RELN: variants seen among roughly 807,000 people sequenced by gnomAD.
The protein encoded by RELN is reelin.
A neutral mutation model predicts 427.6 loss-of-function variants in RELN; 108 were observed. The ratio of observed to expected loss-of-function variants is 0.25; its 90% CI spans 0.22 to 0.30. The LOEUF is 0.30. Ranked by LOEUF, RELN falls within the 10% of genes least tolerant of loss-of-function variation. The pLI is 1.00. For synonymous variants in RELN, 1,524 were observed against 1,513.4 expected (o/e 1.01, Z -0.16); for missense variants, 3,715 against 4,302.8 (o/e 0.86, Z 3.82).
chr7:103,585,424 T>A (rs1373005954), intron 28 of RELN, among the ~76,000 whole-genome samples: 1 of 152,084 alleles, frequency 6.6e-6, no homozygotes, highest in African/African-American at 2.4e-5. Flanking sequence ...CCTATGAACA[T>A]CTCTATGTAT....
At chr7:103,637,553 G>A (rs112813149) in intron 17 of RELN, among the ~76,000 whole-genome samples, 1 of 152,132 alleles carries the variant, frequency 6.6e-6, no homozygotes, top group Non-Finnish European at 1.5e-5. Flanking sequence ...AGGTCCATAG[G>A]TTTTATCAGA....
intron 23 of RELN, 145 bp downstream of exon 23, chr7:103,604,201 T>C (rs1025852634): frequency 2.2e-6 from 2 of 914,756 alleles, no homozygotes; most frequent in African/African-American, 3.3e-5. Context: ...ACATCTAAAA[T>C]ACAAACAGAA....
intron 1 of RELN, among the ~76,000 whole-genome samples, chr7:103,947,076 C>T (rs1321412137): frequency 6.6e-6 from 1 of 152,154 alleles, no homozygotes; most frequent in Non-Finnish European, 1.5e-5. Context: ...TCCTCTCAGC[C>T]ATCTTAAAAC....
Position 103,636,372 on chromosome 7 carries a change from A to T in RELN, c.2166T>A (p.Ser722=). ...SESFGSSRLS[S]YHNFYSIRGA... Reference sequence around the variant, plus strand: ...CACGGATAGAGTAAAAGTTATGGTAAGAGGAGAGCCTGGAACTGCCAAAGC... The same window carrying T: ...CACGGATAGAGTAAAAGTTATGGTATGAGGAGAGCCTGGAACTGCCAAAGC... The change falls in exon 18 of 65, where the codon TCT becomes TCA. Residue 722 remains serine (S), a synonymous_variant. Coordinates refer to ENST00000428762, the MANE Select transcript of RELN (RefSeq NM_005045.4). 6.2e-7 allele frequency: 1 copy of T among 1,613,984 alleles called. No homozygotes were observed. Among genetic ancestry groups the T allele is most frequent in the East Asian group, 2.2e-5 (1 of 44,838 alleles).
At chr7:103,790,274 G>A (rs894131909) in intron 3 of RELN, among the ~76,000 whole-genome samples, 4 of 152,148 alleles carry the variant, frequency 2.6e-5, no homozygotes, top group African/African-American at 9.6e-5. Flanking sequence ...CATGGCACAT[G>A]TATAACTATG....
At chr7:103,885,826 T>A (rs933592471) in intron 2 of RELN, among the ~76,000 whole-genome samples, 5 of 152,218 alleles carry the variant, frequency 3.3e-5, no homozygotes, top group Admixed American at 6.5e-5. Context: ...AAGTTTTAAA[T>A]GTCTAACAAT....
rs1831729159 is a variant in RELN at position 103,603,485 on chromosome 7, T to C, written c.3152A>G (p.Asp1051Gly). The change falls in exon 24 of 65, where the codon GAC (aspartate) becomes GGC (glycine). Residue 1051 changes from aspartate to glycine, a missense_variant. Physicochemically the swap from Asp to Gly is moderately conservative, Grantham distance 94. Coordinates refer to ENST00000428762, the MANE Select transcript of RELN (RefSeq NM_005045.4). The surrounding 1 kb of genome is among the most constrained non-coding windows in gnomAD (Gnocchi z 4.3). ...GSCDHGICRC[D>G]QGYQGTECHP... ...GCATTCAGTGCCTTGGTACCCCTGGTCACACCTATGAGAGAGCAGGGCTGA... is the reference window on the plus strand; with the variant it reads ...GCATTCAGTGCCTTGGTACCCCTGGCCACACCTATGAGAGAGCAGGGCTGA... 2 of 1,613,698 alleles carry C rather than the reference T, an allele frequency of 1.2e-6. No individual in the cohort carries two copies. The highest frequency in any genetic ancestry group is 1.3e-5 in the African/African-American group (1 of 75,022).
intron 11 of RELN, among the ~76,000 whole-genome samples, chr7:103,675,484 T>C (rs1289649830): frequency 1.3e-5 from 2 of 152,278 alleles, no homozygotes; most frequent in Non-Finnish European, 2.9e-5. Context: ...ATAGATTCAA[T>C]GCCACCCCCA....
At chr7:103,579,987 A>T (rs1348601990) in intron 28 of RELN, among the ~76,000 whole-genome samples, 1 of 152,178 alleles carries the variant, frequency 6.6e-6, no homozygotes, top group African/African-American at 2.4e-5. Flanking sequence ...CTGGATGGGG[A>T]TGTCTCTGAG....
chr7:103,981,722 T>C (rs1782602838), intron 1 of RELN, among the ~76,000 whole-genome samples: 1 of 152,248 alleles, frequency 6.6e-6, no homozygotes, highest in Middle Eastern at 3.2e-3. Context: ...CTCTAAAGTT[T>C]TGTTCCACCA....
chr7:103,544,218 A>ATTT (rs1241926155), intron 42 of RELN, among the ~76,000 whole-genome samples: 1 of 122,946 alleles, frequency 8.1e-6, no homozygotes, highest in Admixed American at 9.3e-5. Context: ...AAGAAAGAAA[A>ATTT]TCTTTTTTTT....
intron 10 of RELN, among the ~76,000 whole-genome samples, chr7:103,688,807 A>T (rs1833814545): frequency 6.6e-6 from 1 of 152,108 alleles, no homozygotes; most frequent in Admixed American, 6.6e-5. Flanking sequence ...GCAACAGAAA[A>T]TTAATAGACT....
At chr7:103,883,853 C>G (rs1393619944) in intron 2 of RELN, among the ~76,000 whole-genome samples, 1 of 152,174 alleles carries the variant, frequency 6.6e-6, no homozygotes, top group East Asian at 1.9e-4. Flanking sequence ...AATGGCCATA[C>G]TGCCCAAAGT....
At position 103,682,353 on chromosome 7, in the gene RELN, TTATTA is replaced by T. The variant is rs1312821702; in HGVS notation, c.1144-97_1144-93del. 4 of 1,329,016 alleles carry T rather than the reference TTATTA, an allele frequency of 3.0e-6. No individual in the cohort carries two copies. In the African/African-American group the frequency reaches 5.8e-5, roughly 19 times the overall value. 82.3% of individuals were successfully genotyped at this position (1,329,016 alleles called of 1,614,324 possible). ...TGTATAATTAGAGTTTTTAGAAAAG[TTATTA>T]TATTAGCTCCTCTATGATGGACTCT... On this transcript the variant is annotated intron_variant, in intron 10 of 64. Transcript: ENST00000428762.
At chr7:103,909,734 A>AAT (rs1218599122) in intron 2 of RELN, among the ~76,000 whole-genome samples, 1 of 30,604 alleles carries the variant, frequency 3.3e-5, no homozygotes, top group African/African-American at 1.3e-4. Flanking sequence ...TATATTTTTT[A>AAT]ATATATATAA....
intron 6 of RELN, among the ~76,000 whole-genome samples, chr7:103,747,182 A>G (rs537897967): frequency 6.6e-6 from 1 of 150,902 alleles, no homozygotes; most frequent in South Asian, 2.1e-4. Context: ...CAAACACCGC[A>G]TGTTCTCACT....
chr7:103,679,037 A>G (rs1283312211), intron 11 of RELN, among the ~76,000 whole-genome samples: 3 of 152,246 alleles, frequency 2.0e-5, no homozygotes, highest in African/African-American at 4.8e-5. Flanking sequence ...CATGCTTCAC[A>G]TTAATTAGAT....
chr7:103,971,212 G>A (rs1014960376), intron 1 of RELN, among the ~76,000 whole-genome samples: 2 of 150,464 alleles, frequency 1.3e-5, no homozygotes, highest in African/African-American at 4.9e-5. Flanking sequence ...TTAGAATCCA[G>A]GCATGTCTGA....
At chr7:103,699,709 CTTT>C (rs1834052435) in intron 9 of RELN, among the ~76,000 whole-genome samples, 1 of 151,956 alleles carries the variant, frequency 6.6e-6, no homozygotes, top group Non-Finnish European at 1.5e-5. Flanking sequence ...ATTTATGCTT[CTTT>C]GTTTAAAGCC....
Sources: allele counts gnomAD v4.1 joint callset (sites outside exome capture counted in the v4.1 genomes callset), GRCh38; gene constraint gnomAD v4.1.1; non-coding constraint Gnocchi (gnomAD v3.1); transcripts MANE v1.5; gene names NCBI Gene and HGNC (gene_info 2026-07-23, HGNC 2026-07-21).